The following ZC3H18 variants were observed in gnomAD, a reference collection of about 807,000 sequenced individuals.
ZC3H18 encodes zinc finger CCCH domain-containing protein 18.
ZC3H18 carries 8 observed loss-of-function variants against 106.1 expected under a neutral mutation model. The ratio of observed to expected loss-of-function variants is 0.08; its 90% CI spans 0.04 to 0.14. The LOEUF is 0.14. ZC3H18 is among the 10% of genes least tolerant of loss of function. The pLI, the probability that ZC3H18 is intolerant of heterozygous loss-of-function variation, is 1.00. For synonymous variants in ZC3H18, 635 were observed against 522.1 expected (o/e 1.22, Z -2.95); for missense variants, 1,318 against 1,278.4 (o/e 1.03, Z -0.47).
chr16:88,628,941 A>T, intron 16 of ZC3H18, 87 bp downstream of exon 16: 1 of 1,348,888 alleles, frequency 7.4e-7, no homozygotes, highest in Non-Finnish European at 1.0e-6. Flanking sequence ...CATTGCTCTT[A>T]ACAAGTAGGA....
In ZC3H18 at chr16:88,628,860, C is replaced by T. The variant is rs1305028495; in HGVS notation, c.2566+6C>T. The stretch of plus-strand genomic sequence containing the variant: ...CAACACATCCCCAGACCGAGGTGAG[C>T]CTCCCAGCCCCTAGGGGGCAGGGCA... On this transcript the variant is annotated splice_donor_region_variant and intron_variant, in intron 16 of 17. Transcript: ENST00000301011. The T allele has an allele frequency of 1.9e-6, 3 of 1,613,858 alleles. No homozygotes were observed. The African/African-American group carries it at 4.0e-5, about 22-fold the overall frequency.
intron 9 of ZC3H18, 55 bp downstream of exon 9, chr16:88,622,443 A>G: frequency 6.6e-7 from 1 of 1,517,294 alleles, no homozygotes. Context: ...CCGTCAGCTG[A>G]CACCATGTAC....
chr16:88,584,543 T>A (rs55978115), intron 2 of ZC3H18, among the ~76,000 whole-genome samples: 6,452 of 152,318 alleles, frequency 0.042, 190 homozygotes, highest in Non-Finnish European at 0.064. Flanking sequence ...TTTTGTTTGT[T>A]TGATTTTTTA....
chr16:88,627,678 C>T lies in ZC3H18; in HGVS notation c.2165C>T (p.Ser722Phe). Reference protein sequence around the residue: ...SVSSATSSSSSAHSVDSEDMY... With the variant: ...SVSSATSSSSFAHSVDSEDMY... The stretch of plus-strand genomic sequence containing the variant: ...TCCAGTGCTACGTCGAGCAGCAGCT[C>T]TGCACACAGCGTGGACTCGGAGGAC... Residue 722 changes from serine to phenylalanine, a missense_variant, in exon 14 of 18, where the codon TCT becomes TTT. Ser to Phe is a radical substitution (Grantham distance 155). Around this residue, in one of 6 missense-constraint regions of ZC3H18, gnomAD observed 848 missense variants for 821.7 expected, o/e 1.03. Transcript: ENST00000301011. The surrounding 1 kb of genome is among the most constrained non-coding windows in gnomAD (Gnocchi z 4.5). 6.2e-7 allele frequency: 1 copy of T among 1,613,704 alleles called. No individual in the cohort carries two copies.
chr16:88,583,393 G>C (rs984368778), intron 2 of ZC3H18, among the ~76,000 whole-genome samples: 8 of 152,220 alleles, frequency 5.3e-5, no homozygotes, highest in Admixed American at 4.6e-4. Context: ...CATGTTTTAA[G>C]CACGGTGCAG....
intron 1 of ZC3H18, among the ~76,000 whole-genome samples, chr16:88,576,445 G>A (rs1290334174): frequency 6.6e-6 from 1 of 152,150 alleles, no homozygotes; most frequent in African/African-American, 2.4e-5. Context: ...TCTCAACTTA[G>A]GAGTGTGAGT....
Position 88,627,557 on chromosome 16 carries a change from G to T in ZC3H18, c.2109-65G>T, listed in dbSNP as rs1597361765. ...ACACTGCGTAAAAGTGGACCATGGA[G>T]CACCCCCTGCTGGCCCCTCCCTCCA... On this transcript the variant is annotated intron_variant, in intron 13 of 17. Transcript: ENST00000301011. The surrounding 1 kb of genome is among the most constrained non-coding windows in gnomAD (Gnocchi z 4.5). 6.5e-7 allele frequency: 1 copy of T among 1,538,654 alleles called. No homozygotes were observed. Among genetic ancestry groups the T allele is most frequent in the East Asian group, 2.3e-5 (1 of 43,984 alleles).
Position 88,591,519 on chromosome 16 carries a change from C to T in ZC3H18, c.688+4835C>T, listed in dbSNP as rs374400715. Among the ~76,000 whole-genome samples, 3 of 151,894 alleles carry T rather than the reference C, an allele frequency of 2.0e-5. No homozygotes were observed. The East Asian group carries it at 5.8e-4, about 29-fold the overall frequency. ...CCCAGTAGGTGGAGGTTGCAGTGAGCCAAGATCACACCACTGCACTCCAGC... is the reference window on the plus strand; with the variant it reads ...CCCAGTAGGTGGAGGTTGCAGTGAGTCAAGATCACACCACTGCACTCCAGC... On this transcript the variant is annotated intron_variant, in intron 3 of 17. Transcript: ENST00000301011.
intron 7 of ZC3H18, chr16:88,609,283 T>G: frequency 3.3e-6 from 1 of 301,714 alleles, no homozygotes; most frequent in South Asian, 4.3e-5. Flanking sequence ...TATGGTTTTG[T>G]TTTTTTGTGT....
chr16:88,576,467 T>C (rs957002142), intron 1 of ZC3H18, among the ~76,000 whole-genome samples: 2 of 151,982 alleles, frequency 1.3e-5, no homozygotes, highest in African/African-American at 4.8e-5. Flanking sequence ...GCTGAGCGGG[T>C]GAACACAGCC....
intron 3 of ZC3H18, among the ~76,000 whole-genome samples, chr16:88,597,516 CAG>C (rs1904502221): frequency 6.6e-6 from 1 of 152,196 alleles, no homozygotes; most frequent in Non-Finnish European, 1.5e-5. Flanking sequence ...GTGATTCACT[CAG>C]TAATTGAGTT....
rs1329883282 is a variant in ZC3H18 at position 88,627,073 on chromosome 16, T to C, written c.2109-549T>C. ...AAAAGCAACCTGACATTCGTTTTGTTTTTTGTTTGTTTTGAGACGGAGTTT... is the reference window on the plus strand; with the variant it reads ...AAAAGCAACCTGACATTCGTTTTGTCTTTTGTTTGTTTTGAGACGGAGTTT... On this transcript the variant is annotated intron_variant, in intron 13 of 17. Transcript: ENST00000301011. This position sits in a 1 kb window ranked among gnomAD's most constrained non-coding sequence, Gnocchi z 4.5. 2 of 152,570 alleles carry C rather than the reference T, an allele frequency of 1.3e-5. No individual in the cohort carries two copies. Among genetic ancestry groups the C allele is most frequent in the Admixed American group, 1.3e-4 (2 of 15,328 alleles). 9.5% of individuals were successfully genotyped at this position (152,570 alleles called of 1,614,324 possible). A position where few individuals can be genotyped will look rare whatever the true frequency, so the allele number is the denominator to read the frequency against.
At chr16:88,608,891 T>C (rs752979543) in intron 6 of ZC3H18, 43 bp from the exon 7 acceptor site, 1 of 1,513,376 alleles carries the variant, frequency 6.6e-7, no homozygotes, top group South Asian at 1.1e-5. Flanking sequence ...TTTACGCCAG[T>C]GCTCCTAAGT....
At chr16:88,609,318 G>C (rs564301141) in intron 7 of ZC3H18, 1 of 264,028 alleles carries the variant, frequency 3.8e-6, no homozygotes, top group African/African-American at 2.2e-5. Context: ...TGTTTTTTGA[G>C]ATAGGGTCCC....
At chr16:88,607,931 T>C (rs1905089233) in intron 6 of ZC3H18, among the ~76,000 whole-genome samples, 1 of 152,246 alleles carries the variant, frequency 6.6e-6, no homozygotes, top group African/African-American at 2.4e-5. Flanking sequence ...GTTGATATTT[T>C]ATTCCTAAGT....
At chr16:88,580,085 T>G (rs1915014645) in intron 2 of ZC3H18, among the ~76,000 whole-genome samples, 1 of 152,140 alleles carries the variant, frequency 6.6e-6, no homozygotes, top group South Asian at 2.1e-4. Context: ...CCATCCTTTA[T>G]GTGTCAACCT....
At chr16:88,623,729 C>T (rs1017734207) in intron 10 of ZC3H18, 8 of 708,686 alleles carry the variant, frequency 1.1e-5, no homozygotes, top group South Asian at 5.0e-5. Context: ...ACGTGACACT[C>T]GCCTCCCGGA....
chr16:88,594,566 A>G (rs192168246), intron 3 of ZC3H18, among the ~76,000 whole-genome samples: 18 of 152,268 alleles, frequency 1.2e-4, no homozygotes, highest in African/African-American at 3.6e-4. Context: ...GCTACTGAGC[A>G]TGCAGGTTCC....
chr16:88,593,072 T>G (rs377417781), intron 3 of ZC3H18, among the ~76,000 whole-genome samples: 49 of 152,218 alleles, frequency 3.2e-4, no homozygotes, highest in African/African-American at 1.1e-3. Context: ...AATAGAGCAA[T>G]TGTAATAAAA....
Sources: gnomAD v4.1 joint callset for allele counts (sites outside exome capture counted in the v4.1 genomes callset) on GRCh38, gnomAD v4.1.1 for gene constraint, gnomAD v4.1.1 regional missense constraint, Gnocchi (gnomAD v3.1) non-coding constraint, MANE v1.5 for transcripts, NCBI Gene and HGNC (gene_info 2026-07-23, HGNC 2026-07-21) for gene names.